The following ANTXRL variants were observed in gnomAD, a reference collection of about 807,000 sequenced individuals.
ANTXRL encodes ANTXR like, also known as anthrax toxin receptor-like.
Under a neutral mutation model 75.4 loss-of-function variants are expected in ANTXRL, and 63 were observed. That is an observed-to-expected ratio of 0.84 (90% CI 0.68 to 1.03). The LOEUF (loss-of-function observed/expected upper bound fraction) is 1.03, where lower values mean the gene tolerates loss of function less well. ANTXRL is among the 50% of genes least tolerant of loss of function. The pLI is 0.00. For synonymous variants in ANTXRL, 335 were observed against 291.3 expected (o/e 1.15, Z -1.53); for missense variants, 797 against 789.4 (o/e 1.01, Z -0.12).
intron 16 of ANTXRL, among the ~76,000 whole-genome samples, chr10:46,315,306 G>T (rs1261737651): frequency 6.6e-6 from 1 of 152,238 alleles, no homozygotes; most frequent in Non-Finnish European, 1.5e-5. Flanking sequence ...CAGCCCTGAG[G>T]CTGGAGGAGA....
intron 16 of ANTXRL, among the ~76,000 whole-genome samples, chr10:46,328,952 A>G (rs1839358428): frequency 6.6e-6 from 1 of 152,136 alleles, no homozygotes; most frequent in South Asian, 2.1e-4. Flanking sequence ...GTCTTCAGAC[A>G]GGGTTGCCCC....
intron 6 of ANTXRL, 37 bp downstream of exon 6, chr10:46,297,365 T>G (rs1554959092): frequency 2.0e-6 from 3 of 1,536,084 alleles, no homozygotes; most frequent in Non-Finnish European, 1.7e-6. Flanking sequence ...TTTTGCTCCA[T>G]GTATTTTGAT....
At chr10:46,305,613 C>T (rs578004469) in intron 10 of ANTXRL, among the ~76,000 whole-genome samples, 12 of 152,264 alleles carry the variant, frequency 7.9e-5, no homozygotes, top group African/African-American at 2.9e-4. Flanking sequence ...TGGAGCCAGG[C>T]CAGCAGGCAG....
chr10:46,299,360 C>T lies in ANTXRL; in HGVS notation c.796+1298C>T, dbSNP rs868943592. On this transcript the variant is annotated intron_variant, in intron 9 of 16. Transcript: ENST00000620264. ...CAGTGCCTGTCCATGCTGTCTGAGA[C>T]GTAGCGAGGATGCCCTCTTGTCAGC... Among the ~76,000 whole-genome samples, 58 of 152,124 alleles carry T rather than the reference C, an allele frequency of 3.8e-4. 1 individual carries two copies. The highest frequency in any genetic ancestry group is 7.4e-5 in the Non-Finnish European group (5 of 68,018).
At chr10:46,328,040 T>C (rs1839311703) in intron 16 of ANTXRL, among the ~76,000 whole-genome samples, 1 of 152,040 alleles carries the variant, frequency 6.6e-6, no homozygotes, top group Non-Finnish European at 1.5e-5. Flanking sequence ...GCAGTTACAG[T>C]CCTCATGCTT....
intron 5 of ANTXRL, 36 bp from the exon 6 acceptor site, chr10:46,297,216 C>T: frequency 6.6e-7 from 1 of 1,522,436 alleles, no homozygotes; most frequent in Non-Finnish European, 8.8e-7. Context: ...CTCCTGGTGC[C>T]TTTGCTGAGC....
rs1839401100 is a variant in ANTXRL at position 46,329,725 on chromosome 10, T to G, written c.1537T>G (p.Cys513Gly). 6.5e-7 allele frequency: 1 copy of G among 1,535,214 alleles called. No individual in the cohort carries two copies. Reference protein sequence around the residue: ...LPQAPCSPRMCLRHSRECLAL... With the variant: ...LPQAPCSPRMGLRHSRECLAL... ...ACAGGCTCCCTGCAGCCCAAGGATG[T>G]GCCTGAGACACAGCCGGGAGTGCCT... The change falls in exon 17 of 17, where the codon TGC becomes GGC. Residue 513 changes from cysteine (C) to glycine (G), a missense_variant. Physicochemically the swap from Cys to Gly is radical, Grantham distance 159. Transcript: ENST00000620264.
chr10:46,314,276 G>A (rs1838599176), intron 16 of ANTXRL, among the ~76,000 whole-genome samples: 1 of 152,082 alleles, frequency 6.6e-6, no homozygotes, highest in Non-Finnish European at 1.5e-5. Flanking sequence ...GGCTCCTCCA[G>A]CCGCTGGGCT....
In ANTXRL at chr10:46,313,270, C is replaced by T. The variant is rs1554963987; in HGVS notation, c.1364C>T (p.Ala455Val). Residue 455 changes from alanine to valine, a missense_variant, in exon 16 of 17, where the codon GCA (alanine) becomes GTA (valine). By Grantham distance (64) the Ala-to-Val change is moderately conservative. This residue lies in a region of ANTXRL where 479 missense variants were observed against 422.0 expected (regional missense o/e 1.14). Coordinates refer to ENST00000620264, the MANE Select transcript of ANTXRL (RefSeq NM_001278688.3). ...GATACCTTTTGTGACCTCTCTCACGCAAGCTGCCACCAGGTGCCATGGATG... is the reference window on the plus strand; with the variant it reads ...GATACCTTTTGTGACCTCTCTCACGTAAGCTGCCACCAGGTGCCATGGATG... Reference protein sequence around the residue: ...NLDTFCDLSHASCHQVPWMCC... With the variant: ...NLDTFCDLSHVSCHQVPWMCC... 1 of 1,535,880 alleles carries T rather than the reference C, an allele frequency of 6.5e-7. No homozygotes were observed. The highest frequency in any genetic ancestry group is 8.7e-7 in the Non-Finnish European group (1 of 1,146,726).
intron 10 of ANTXRL, among the ~76,000 whole-genome samples, chr10:46,304,811 G>A (rs1266444591): frequency 6.6e-6 from 1 of 152,180 alleles, no homozygotes; most frequent in Non-Finnish European, 1.5e-5. Context: ...CTGCCTCCCT[G>A]TGGTGGCAGC....
chr10:46,287,966 C>T (rs1836832933), intron 1 of ANTXRL, among the ~76,000 whole-genome samples: 1 of 152,124 alleles, frequency 6.6e-6, no homozygotes, highest in South Asian at 2.1e-4. Context: ...ATTCTAATGT[C>T]ACTGCTTAGA....
At chr10:46,313,828 AAAGTGCTGAGATATT>A (rs1554964145) in intron 16 of ANTXRL, among the ~76,000 whole-genome samples, 1 of 152,156 alleles carries the variant, frequency 6.6e-6, no homozygotes, top group African/African-American at 2.4e-5. Context: ...GAAGGGGACA[AAAGTGCTGAGATATT>A]AAGTAGCATG....
chr10:46,286,602 G>T (rs1554955234), upstream of ANTXRL, among the ~76,000 whole-genome samples: 2 of 152,158 alleles, frequency 1.3e-5, no homozygotes, highest in Non-Finnish European at 2.9e-5. Flanking sequence ...CTAAATGTAG[G>T]TGGTCTGTTA....
chr10:46,308,969 C>T, intron 12 of ANTXRL, 144 bp from the exon 13 acceptor site: 2 of 1,172,292 alleles, frequency 1.7e-6, no homozygotes, highest in African/African-American at 1.5e-5. Flanking sequence ...CTCTCTGGGG[C>T]CCAGCCCTGG....
At chr10:46,302,668 G>A in intron 9 of ANTXRL, 54 bp from the exon 10 acceptor site, 3 of 1,334,964 alleles carry the variant, frequency 2.2e-6, no homozygotes, top group Middle Eastern at 3.6e-4. Flanking sequence ...GAGGTCAGAG[G>A]GGAGGCAGCC....
At chr10:46,310,234 A>T (rs114711352) in intron 13 of ANTXRL, among the ~76,000 whole-genome samples, 2 of 151,992 alleles carry the variant, frequency 1.3e-5, no homozygotes, top group Non-Finnish European at 2.9e-5. Flanking sequence ...ACCCCTAGGA[A>T]CCCCACAGCG....
In ANTXRL at chr10:46,302,721, G is replaced by A. The variant is rs1837829639; in HGVS notation, c.797-1G>A. 6.5e-7 allele frequency: 1 copy of A among 1,534,800 alleles called. No individual in the cohort carries two copies. On this transcript the variant is annotated splice_acceptor_variant, in intron 9 of 16. Transcript: ENST00000620264. LOFTEE classifies it high-confidence loss of function. ...CAGCCTTTTGAATGTTGTCCTTGCA[G>A]AACCCTACCATGTGGTTATTCATGG...
At chr10:46,291,570 G>A (rs1192115207) in intron 1 of ANTXRL, among the ~76,000 whole-genome samples, 1 of 151,988 alleles carries the variant, frequency 6.6e-6, no homozygotes, top group Admixed American at 6.6e-5. Flanking sequence ...CATTTATTGT[G>A]TCTTTAAATT....
At chr10:46,325,491 T>C (rs1488337515) in intron 16 of ANTXRL, among the ~76,000 whole-genome samples, 1 of 152,168 alleles carries the variant, frequency 6.6e-6, no homozygotes, top group African/African-American at 2.4e-5. Flanking sequence ...AATGTTCAGC[T>C]AAGGCCACCA....
Sources: gnomAD v4.1 joint callset for allele counts (sites outside exome capture counted in the v4.1 genomes callset) on GRCh38, gnomAD v4.1.1 for gene constraint, gnomAD v4.1.1 regional missense constraint, MANE v1.5 for transcripts, NCBI Gene and HGNC (gene_info 2026-07-23, HGNC 2026-07-21) for gene names.